Variants in ME1 observed in about 807,000 individuals in gnomAD.
ME1 encodes the protein malic enzyme 1.
Under a neutral mutation model 66.4 loss-of-function variants are expected in ME1, and 74 were observed. The observed-to-expected ratio is 1.11, with a 90% CI of 0.92 to 1.35. The LOEUF (loss-of-function observed/expected upper bound fraction) is 1.35, where lower values mean the gene tolerates loss of function less well. Among genes scored for constraint, ME1 ranks in the 40% most tolerant of loss-of-function variants. The pLI, the probability that ME1 is intolerant of heterozygous loss-of-function variation, is 0.00. For synonymous variants in ME1, 251 were observed against 235.6 expected, an observed-to-expected ratio of 1.07 and a Z score of -0.60; for missense variants, 750 against 694.1, an observed-to-expected ratio of 1.08 and a Z score of -0.90.
intron 10 of ME1, 32 bp from the exon 11 acceptor site, chr6:83,227,509 A>T: frequency 2.0e-6 from 3 of 1,536,598 alleles, no homozygotes; most frequent in Non-Finnish European, 2.7e-6. Flanking sequence ...GGTAATTAAC[A>T]CTATCATTGG....
intron 1 of ME1, among the ~76,000 whole-genome samples, chr6:83,417,669 A>G (rs575823843): frequency 6.2e-4 from 94 of 152,246 alleles, no homozygotes; most frequent in Non-Finnish European, 4.7e-4. Flanking sequence ...ATGAGCTACA[A>G]CGCCAGGCCC....
intron 12 of ME1, among the ~76,000 whole-genome samples, chr6:83,221,651 A>G (rs1019448618): frequency 6.6e-6 from 1 of 152,194 alleles, no homozygotes; most frequent in African/African-American, 2.4e-5. Context: ...AGGCAACTGG[A>G]GATATGGAAA....
Position 83,398,361 on chromosome 6 carries a change from A to G in ME1, c.362+6T>C. The stretch of plus-strand genomic sequence containing the variant: ...CAAGTTGCATATAAAATAAAAGTTG[A>G]CATACCTTGGCTTCCGAAACACCAA... On this transcript the variant is annotated splice_donor_region_variant and intron_variant, in intron 3 of 13. Transcript: ENST00000369705. The G allele has an allele frequency of 1.3e-6, 2 of 1,562,406 alleles. No individual in the cohort carries two copies. Among genetic ancestry groups the G allele is most frequent in the Non-Finnish European group, 1.7e-6 (2 of 1,160,614 alleles).
At chr6:83,383,842 G>A (rs557367085) in intron 3 of ME1, among the ~76,000 whole-genome samples, 25 of 151,806 alleles carry the variant, frequency 1.6e-4, no homozygotes, top group African/African-American at 5.8e-4. Context: ...TATCCTTAAG[G>A]ATTTAAGTAG....
At chr6:83,278,861 A>G (rs1767238966) in intron 6 of ME1, among the ~76,000 whole-genome samples, 1 of 152,174 alleles carries the variant, frequency 6.6e-6, no homozygotes, top group African/African-American at 2.4e-5. Context: ...GGGTTCACCA[A>G]AGCCTACCTA....
chr6:83,406,113 T>C (rs964244705), intron 2 of ME1, among the ~76,000 whole-genome samples: 5 of 152,220 alleles, frequency 3.3e-5, no homozygotes, highest in Non-Finnish European at 5.9e-5. Context: ...TTGGTTCTTT[T>C]TATGTGATGG....
intron 3 of ME1, among the ~76,000 whole-genome samples, chr6:83,395,558 C>A (rs1246692899): frequency 2.0e-5 from 3 of 151,440 alleles, no homozygotes; most frequent in African/African-American, 4.9e-5. Context: ...TCACTGCAAC[C>A]TCCACTTCCC....
chr6:83,254,299 C>T (rs187837700), intron 6 of ME1, among the ~76,000 whole-genome samples: 20 of 152,248 alleles, frequency 1.3e-4, no homozygotes, highest in African/African-American at 3.6e-4. Context: ...GTGAAAGATA[C>T]GGCCAGATCT....
intron 3 of ME1, among the ~76,000 whole-genome samples, chr6:83,386,788 AT>A (rs1769511575): frequency 6.6e-6 from 1 of 150,500 alleles, no homozygotes; most frequent in Admixed American, 6.6e-5. Flanking sequence ...AGGCCATATG[AT>A]TAGTGCCCTT....
At chr6:83,219,802 G>A (rs1790053777) in intron 12 of ME1, among the ~76,000 whole-genome samples, 1 of 148,840 alleles carries the variant, frequency 6.7e-6, no homozygotes. Context: ...TGGCCAGGCT[G>A]GTCTCAAACT....
chr6:83,269,992 T>C (rs979223087), intron 6 of ME1, among the ~76,000 whole-genome samples: 8 of 152,168 alleles, frequency 5.3e-5, no homozygotes, highest in Non-Finnish European at 8.8e-5. Context: ...TTGTGAAATA[T>C]AGACCCAGAG....
At chr6:83,413,602 G>C (rs1770092928) in intron 1 of ME1, among the ~76,000 whole-genome samples, 1 of 151,778 alleles carries the variant, frequency 6.6e-6, no homozygotes, top group African/African-American at 2.4e-5. Context: ...TTATTATTCT[G>C]AAAGAGATAA....
intron 3 of ME1, among the ~76,000 whole-genome samples, chr6:83,376,523 G>T (rs1038155503): frequency 6.6e-6 from 1 of 150,960 alleles, no homozygotes; most frequent in African/African-American, 2.4e-5. Context: ...AAAAGAGGCC[G>T]GGTGCAGTAG....
intron 8 of ME1, among the ~76,000 whole-genome samples, chr6:83,239,098 G>A (rs1180231): frequency 0.45 from 67,586 of 151,468 alleles, 15,643 homozygotes; most frequent in African/African-American, 0.56. Context: ...AATTCAAAAT[G>A]TTTTTTCTTA....
chr6:83,369,589 G>A (rs1365322027), intron 3 of ME1, among the ~76,000 whole-genome samples: 2 of 151,696 alleles, frequency 1.3e-5, no homozygotes, highest in East Asian at 1.9e-4. Flanking sequence ...TCATGCCACT[G>A]CACTCCAGCC....
chr6:83,412,898 G>A (rs948242896), intron 1 of ME1, among the ~76,000 whole-genome samples: 2 of 152,158 alleles, frequency 1.3e-5, no homozygotes, highest in African/African-American at 4.8e-5. Flanking sequence ...ATTCCTTATT[G>A]TGGTGTTGAT....
intron 5 of ME1, among the ~76,000 whole-genome samples, chr6:83,334,022 G>A (rs577479464): frequency 6.6e-6 from 1 of 151,974 alleles, no homozygotes; most frequent in Non-Finnish European, 1.5e-5. Context: ...CGACGCAGAA[G>A]ACGGGTGATT....
intron 3 of ME1, among the ~76,000 whole-genome samples, chr6:83,355,572 T>G (rs1359048645): frequency 6.6e-6 from 1 of 152,152 alleles, no homozygotes; most frequent in Non-Finnish European, 1.5e-5. Flanking sequence ...TTATTACTTT[T>G]GAAGAGAGTT....
chr6:83,417,917 T>C (rs562518336), intron 1 of ME1, among the ~76,000 whole-genome samples: 117 of 152,368 alleles, frequency 7.7e-4, no homozygotes, highest in African/African-American at 2.7e-3. Flanking sequence ...TTATGTATAC[T>C]GTTTATTTAA....
Sources: gnomAD v4.1 joint callset for allele counts (sites outside exome capture counted in the v4.1 genomes callset) on GRCh38, gnomAD v4.1.1 for gene constraint, MANE v1.5 for transcripts, NCBI Gene and HGNC (gene_info 2026-07-23, HGNC 2026-07-21) for gene names.